Variants in ACOT13 observed in about 807,000 individuals in gnomAD.
ACOT13 encodes the protein acyl-coenzyme A thioesterase 13.
In ACOT13, 10 loss-of-function variants were observed where a neutral mutation model predicts 11.8. The ratio of observed to expected loss-of-function variants is 0.85; its 90% CI spans 0.53 to 1.44. The LOEUF (loss-of-function observed/expected upper bound fraction) is 1.44. Among genes scored for constraint, ACOT13 ranks in the 40% most tolerant of loss-of-function variants. The probability of loss-of-function intolerance (pLI) is 0.00; values close to 1 mark genes in which losing one functional copy is unlikely to be tolerated. For synonymous variants in ACOT13, 53 were observed against 61.0 expected (o/e 0.87, Z 0.61); for missense variants, 172 against 174.1 (o/e 0.99, Z 0.07).
intron 1 of ACOT13, among the ~76,000 whole-genome samples, chr6:24,683,522 G>A (rs1778585400): frequency 6.6e-6 from 1 of 151,832 alleles, no homozygotes; most frequent in Non-Finnish European, 1.5e-5. Context: ...GGTGGACAGA[G>A]TGAGACTGTC....
intron 1 of ACOT13, among the ~76,000 whole-genome samples, chr6:24,680,774 CTT>C (rs1348423424): frequency 6.6e-6 from 1 of 152,190 alleles, no homozygotes; most frequent in African/African-American, 2.4e-5. Flanking sequence ...AAACAACACT[CTT>C]ATGCAAATTC....
Position 24,705,033 on chromosome 6 carries a change from T to C in ACOT13, c.*3418T>C, listed in dbSNP as rs1394387425. 1 of 150,392 alleles carries C rather than the reference T, an allele frequency of 6.6e-6. No individual in the cohort carries two copies. The highest frequency in any genetic ancestry group is 1.5e-5 in the Non-Finnish European group (1 of 67,556). 9.3% of individuals were successfully genotyped at this position (150,392 alleles called of 1,614,324 possible). On this transcript the variant is annotated 3_prime_UTR_variant, in exon 3 of 3. Coordinates refer to ENST00000230048, the MANE Select transcript of ACOT13 (RefSeq NM_018473.4). ...TCATTCAGATTTACTCCAATAAAAG[T>C]ATGCAACCCTTAAGCAAAGCTTTTC...
chr6:24,688,657 C>T (rs1407330287), intron 1 of ACOT13, among the ~76,000 whole-genome samples: 2 of 151,950 alleles, frequency 1.3e-5, no homozygotes, highest in African/African-American at 4.8e-5. Flanking sequence ...TACTATAAGT[C>T]ACATCTTAAA....
At chr6:24,675,915 A>C (rs1462365235) in intron 1 of ACOT13, among the ~76,000 whole-genome samples, 2 of 152,234 alleles carry the variant, frequency 1.3e-5, no homozygotes, top group African/African-American at 4.8e-5. Flanking sequence ...GGTGTAAGGA[A>C]GGGATCCAGT....
chr6:24,687,705 ATTTTTTTTTT>A lies in ACOT13; in HGVS notation c.82-10164_82-10155del. 4.7e-6 allele frequency: 6 copies of A among 1,285,672 alleles called. No individual in the cohort carries two copies. In the East Asian group the frequency reaches 9.4e-5, roughly 20 times the overall value. 79.6% of individuals were successfully genotyped at this position (1,285,672 alleles called of 1,614,324 possible). A position where few individuals can be genotyped will look rare whatever the true frequency, so the allele number is the denominator to read the frequency against. On this transcript the variant is annotated intron_variant, in intron 1 of 2. Coordinates refer to ENST00000230048, the MANE Select transcript of ACOT13 (RefSeq NM_018473.4). The stretch of plus-strand genomic sequence containing the variant: ...AAATGGTTAGAAAGGTAAGAATAGA[ATTTTTTTTTT>A]TTTTTTTTTTTTTGAGACAGAGTCT...
rs1562162846 is a variant in ACOT13, at chr6:24,697,889, C to T, written c.88C>T (p.Leu30Phe). 6.2e-7 allele frequency: 1 copy of T among 1,602,654 alleles called. No individual in the cohort carries two copies. The highest frequency in any genetic ancestry group is 1.7e-5 in the Admixed American group (1 of 57,488). The change falls in exon 2 of 3, where the codon CTT (leucine) becomes TTT (phenylalanine). Residue 30 changes from leucine (L) to phenylalanine (F), a missense_variant. By Grantham distance (22) the Leu-to-Phe change is conservative. Transcript: ENST00000230048. ...TTCTTTTTTTTACACTTAGATTACT[C>T]TTGTCTCTGCTGCTCCTGGGAAAGT... ...NFERVLGKIT[L>F]VSAAPGKVIC... is the part of the protein sequence containing the mutation.
intron 1 of ACOT13, among the ~76,000 whole-genome samples, chr6:24,668,860 A>G (rs983949286): frequency 6.6e-5 from 10 of 152,294 alleles, no homozygotes; most frequent in African/African-American, 2.4e-4. Flanking sequence ...TTTGCAACCA[A>G]TCAGAGGTAC....
rs750562644 is a variant in ACOT13 at position 24,697,874 on chromosome 6, T to C, written c.82-9T>C. The C allele has an allele frequency of 6.3e-7, 1 of 1,581,240 alleles. No homozygotes were observed. Among genetic ancestry groups the C allele is most frequent in the Admixed American group, 1.9e-5 (1 of 52,272 alleles). On this transcript the variant is annotated splice_polypyrimidine_tract_variant and intron_variant, in intron 1 of 2. Transcript: ENST00000230048. ...AATTAATGTTCAGGATTCTTTTTTT[T>C]ACACTTAGATTACTCTTGTCTCTGC...
At chr6:24,668,053 C>A (rs1024899560) in intron 1 of ACOT13, among the ~76,000 whole-genome samples, 2 of 152,040 alleles carry the variant, frequency 1.3e-5, no homozygotes, top group Non-Finnish European at 1.5e-5. Context: ...GGATTACAGG[C>A]ATGCGCCACC....
rs1305884979 is a variant in ACOT13, at chr6:24,702,891, C to G, written c.*1276C>G. 1 of 152,108 alleles carries G rather than the reference C, an allele frequency of 6.6e-6. No homozygotes were observed. The highest frequency in any genetic ancestry group is 1.5e-5 in the Non-Finnish European group (1 of 68,040). 9.4% of individuals were successfully genotyped at this position (152,108 alleles called of 1,614,324 possible). A position where few individuals can be genotyped will look rare whatever the true frequency, so the allele number is the denominator to read the frequency against. ...ACCAAGTTCACTTCTCAGAAGTCTC[C>G]AAGTTCAGTTGACTGTGGCACTCTG... On this transcript the variant is annotated 3_prime_UTR_variant, in exon 3 of 3. Transcript: ENST00000230048.
At chr6:24,670,024 C>T (rs1213148813) in intron 1 of ACOT13, among the ~76,000 whole-genome samples, 1 of 152,028 alleles carries the variant, frequency 6.6e-6, no homozygotes, top group African/African-American at 2.4e-5. Context: ...TAGAATTCAG[C>T]CTAAACTGTA....
At chr6:24,668,987 A>G (rs565828513) in intron 1 of ACOT13, among the ~76,000 whole-genome samples, 95 of 152,332 alleles carry the variant, frequency 6.2e-4, no homozygotes, top group Middle Eastern at 6.8e-3. Context: ...AGTTCTAGGA[A>G]GTCAGCGTGA....
At chr6:24,669,162 C>T (rs12214801) in intron 1 of ACOT13, among the ~76,000 whole-genome samples, 27,830 of 152,182 alleles carry the variant, frequency 0.18, 2,897 homozygotes, top group Non-Finnish European at 0.24. Context: ...AGGATGCGCA[C>T]GCAGTGACAC....
At position 24,702,693 on chromosome 6, in the gene ACOT13, T is replaced by C. The variant is rs1778913163; in HGVS notation, c.*1078T>C. 6.6e-6 allele frequency: 1 copy of C among 151,990 alleles called. No homozygotes were observed. The highest frequency in any genetic ancestry group is 2.1e-4 in the South Asian group (1 of 4,820). The allele number at this position is 151,990 out of a possible 1,614,324, so 9.4% of individuals were successfully genotyped here. On this transcript the variant is annotated 3_prime_UTR_variant, in exon 3 of 3. Transcript: ENST00000230048. ...AGCCCATATTGAAAAATAAAATAGA[T>C]TGAGCCATATGCCTAAAAAAGACCT...
chr6:24,697,820 G>A, intron 1 of ACOT13, 63 bp from the exon 2 acceptor site: 4 of 1,363,046 alleles, frequency 2.9e-6, no homozygotes, highest in Non-Finnish European at 3.9e-6. Flanking sequence ...TGTTCTTCAT[G>A]GGCTTTTTTG....
chr6:24,674,713 G>T (rs1370629377), intron 1 of ACOT13, among the ~76,000 whole-genome samples: 1 of 152,080 alleles, frequency 6.6e-6, no homozygotes, highest in African/African-American at 2.4e-5. Flanking sequence ...AGTGCACCCA[G>T]CCCTAGAGTT....
In ACOT13 at chr6:24,704,140, T is replaced by C. The variant is rs529901002; in HGVS notation, c.*2525T>C. 2.6e-5 allele frequency: 4 copies of C among 152,354 alleles called. No homozygotes were observed. Among genetic ancestry groups the C allele is most frequent in the Non-Finnish European group, 5.9e-5 (4 of 68,034 alleles). 9.4% of individuals were successfully genotyped at this position (152,354 alleles called of 1,614,324 possible). Reference sequence around the variant, plus strand: ...ATTTTACTCTAGTTATATGAAATATTCTTGTACTTGGAACATATGCCGAAG... The same window carrying C: ...ATTTTACTCTAGTTATATGAAATATCCTTGTACTTGGAACATATGCCGAAG... On this transcript the variant is annotated 3_prime_UTR_variant, in exon 3 of 3. Transcript: ENST00000230048.
In ACOT13 at chr6:24,689,895, T is replaced by G. The variant is rs540920564; in HGVS notation, c.82-7988T>G. Among the ~76,000 whole-genome samples the G allele has an allele frequency of 1.3e-4, 20 of 152,214 alleles. No individual in the cohort carries two copies. In the South Asian group the frequency reaches 4.1e-3, roughly 32 times the overall value. On this transcript the variant is annotated intron_variant, in intron 1 of 2. Transcript: ENST00000230048. ...AGCAAATATAAGTATTTTATAAAAT[T>G]AATTAATTTTAGCAGTAGTGAATGG...
At position 24,702,840 on chromosome 6, in the gene ACOT13, AC is replaced by A. The variant is rs1207755903; in HGVS notation, c.*1227del. 1 of 152,056 alleles carries A rather than the reference AC, an allele frequency of 6.6e-6. No individual in the cohort carries two copies. The highest frequency in any genetic ancestry group is 2.4e-5 in the African/African-American group (1 of 41,388). 9.4% of individuals were successfully genotyped at this position (152,056 alleles called of 1,614,324 possible). A position where few individuals can be genotyped will look rare whatever the true frequency, so the allele number is the denominator to read the frequency against. On this transcript the variant is annotated 3_prime_UTR_variant, in exon 3 of 3. Coordinates refer to ENST00000230048, the MANE Select transcript of ACOT13 (RefSeq NM_018473.4). The stretch of plus-strand genomic sequence containing the variant: ...GAGAATAAAACCATGCAGATCTCAA[AC>A]CTCCAAGTCTATAGTATTGAAAAGA...
Sources: gnomAD v4.1 joint callset for allele counts (sites outside exome capture counted in the v4.1 genomes callset) on GRCh38, gnomAD v4.1.1 for gene constraint, MANE v1.5 for transcripts, NCBI Gene and HGNC (gene_info 2026-07-23, HGNC 2026-07-21) for gene names.